GLI2: variants seen among roughly 807,000 people sequenced by gnomAD.
The protein encoded by GLI2 is GLI family zinc finger 2.
In GLI2, 22 loss-of-function variants were observed where a neutral mutation model predicts 78.9. The ratio of observed to expected loss-of-function variants is 0.28; its 90% CI spans 0.20 to 0.40. GLI2 has a LOEUF of 0.40. Ranked by LOEUF, GLI2 falls within the 10% of genes least tolerant of loss-of-function variation. The pLI is 1.00. For synonymous variants in GLI2, 974 were observed against 963.7 expected (o/e 1.01, Z -0.20); for missense variants, 2,097 against 2,213.2 (o/e 0.95, Z 1.05).
intron 3 of GLI2, among the ~76,000 whole-genome samples, chr2:120,932,249 T>A (rs1679977997): frequency 6.6e-6 from 1 of 152,106 alleles, no homozygotes; most frequent in Non-Finnish European, 1.5e-5. Flanking sequence ...GTCATCTCAT[T>A]TCTGTGTCAG....
intron 3 of GLI2, among the ~76,000 whole-genome samples, chr2:120,941,939 T>C (rs953676566): frequency 6.6e-6 from 1 of 152,124 alleles, no homozygotes; most frequent in Non-Finnish European, 1.5e-5. Flanking sequence ...CCTGTGCACA[T>C]GGGGATGGGA....
chr2:120,764,454 T>G (rs988098283), intron 1 of GLI2, among the ~76,000 whole-genome samples: 3 of 152,200 alleles, frequency 2.0e-5, no homozygotes, highest in Non-Finnish European at 4.4e-5. Flanking sequence ...GAGAACGGAT[T>G]ACTTCCAGGT....
At chr2:120,796,531 C>G (rs1022965756) in intron 1 of GLI2, among the ~76,000 whole-genome samples, 3 of 152,230 alleles carry the variant, frequency 2.0e-5, no homozygotes, top group African/African-American at 7.2e-5. Context: ...GCTTTGCCCT[C>G]TGACTGCAGT....
At chr2:120,818,645 T>C (rs1378350061) in intron 2 of GLI2, among the ~76,000 whole-genome samples, 1 of 152,138 alleles carries the variant, frequency 6.6e-6, no homozygotes, top group Non-Finnish European at 1.5e-5. Context: ...TCCGAGTGAG[T>C]CTGGGCCCCA....
At chr2:120,840,720 T>C (rs1254783386) in intron 2 of GLI2, among the ~76,000 whole-genome samples, 1 of 152,198 alleles carries the variant, frequency 6.6e-6, no homozygotes, top group African/African-American at 2.4e-5. Flanking sequence ...AAGCCAAGCA[T>C]CTTGGTGTGT....
At chr2:120,783,619 G>A (rs192076843) in intron 1 of GLI2, among the ~76,000 whole-genome samples, 12 of 151,976 alleles carry the variant, frequency 7.9e-5, no homozygotes, top group African/African-American at 2.9e-4. Context: ...AAGAAACCAC[G>A]AAGTGCAGGA....
chr2:120,974,810 G>T, intron 8 of GLI2, 165 bp from the exon 9 acceptor site: 1 of 870,748 alleles, frequency 1.1e-6, no homozygotes, highest in Non-Finnish European at 1.9e-6. Flanking sequence ...GTGTCTGCAT[G>T]CATGTGTTGT....
intron 1 of GLI2, among the ~76,000 whole-genome samples, chr2:120,782,080 C>T (rs557718753): frequency 2.0e-5 from 3 of 152,274 alleles, no homozygotes; most frequent in South Asian, 4.2e-4. Context: ...TAAGTCTTTA[C>T]AATAATAACC....
intron 1 of GLI2, among the ~76,000 whole-genome samples, chr2:120,762,704 C>T (rs1314377864): frequency 2.0e-5 from 3 of 152,174 alleles, no homozygotes; most frequent in Admixed American, 1.3e-4. Flanking sequence ...AGCCCCCAGG[C>T]CCTGGCCCCT....
chr2:120,811,542 G>T (rs1045107217), intron 2 of GLI2, among the ~76,000 whole-genome samples: 1 of 152,174 alleles, frequency 6.6e-6, no homozygotes, highest in Non-Finnish European at 1.5e-5. Flanking sequence ...CTCAACGAGG[G>T]GTGGATGACA....
chr2:120,911,709 CG>C (rs1475361773), intron 2 of GLI2, among the ~76,000 whole-genome samples: 1 of 151,964 alleles, frequency 6.6e-6, no homozygotes, highest in Non-Finnish European at 1.5e-5. Context: ...GAGGGAGTAT[CG>C]TCTGCCTGCG....
At chr2:120,851,538 G>A (rs1438637857) in intron 2 of GLI2, among the ~76,000 whole-genome samples, 1 of 152,242 alleles carries the variant, frequency 6.6e-6, no homozygotes, top group Non-Finnish European at 1.5e-5. Context: ...ATTAGATCCT[G>A]GGATGACTGC....
intron 2 of GLI2, among the ~76,000 whole-genome samples, chr2:120,814,285 A>G (rs1302915603): frequency 2.0e-5 from 3 of 152,204 alleles, no homozygotes; most frequent in Admixed American, 6.5e-5. Flanking sequence ...GATCTGCCCT[A>G]CAGAGATGGG....
chr2:120,960,761 C>T (rs1681513363), intron 5 of GLI2, among the ~76,000 whole-genome samples: 1 of 152,306 alleles, frequency 6.6e-6, no homozygotes, highest in South Asian at 2.1e-4. Flanking sequence ...GATTGGAAAG[C>T]CAAGCCCTGC....
intron 2 of GLI2, among the ~76,000 whole-genome samples, chr2:120,812,727 C>T (rs1234656805): frequency 6.6e-6 from 1 of 152,188 alleles, no homozygotes; most frequent in Non-Finnish European, 1.5e-5. Flanking sequence ...TGTTGCCGTC[C>T]TTGGCATGCG....
chr2:120,988,121 C>A, intron 13 of GLI2, 87 bp from the exon 14 acceptor site: 1 of 1,191,130 alleles, frequency 8.4e-7, no homozygotes, highest in Non-Finnish European at 1.2e-6. Context: ...TCTTCTCGGG[C>A]TCCAGGCCCA....
intron 2 of GLI2, among the ~76,000 whole-genome samples, chr2:120,900,960 C>T (rs1329921275): frequency 6.6e-6 from 1 of 152,172 alleles, no homozygotes; most frequent in Non-Finnish European, 1.5e-5. Flanking sequence ...GAACAGAGCC[C>T]TCTTGGCTGG....
In GLI2 at chr2:120,798,633, T is replaced by G. The variant is rs564121457; in HGVS notation, c.148+1165T>G. ...CAGGCCCCTTGGGGAGGTGGCCTTC[T>G]GAGCTGGACGATGCCTCTCCACCCT... On this transcript the variant is annotated intron_variant, in intron 2 of 13. Transcript: ENST00000361492. Among the ~76,000 whole-genome samples the G allele has an allele frequency of 2.0e-5, 3 of 152,338 alleles. No individual in the cohort carries two copies. In the South Asian group the frequency reaches 6.2e-4, roughly 32 times the overall value.
In GLI2 at chr2:120,919,730, A is replaced by G. The variant is rs565568049; in HGVS notation, c.149-7631A>G. Reference sequence around the variant, plus strand: ...ATCACCGGGCTTCCCCATCCTGGCCACAGCCAAGGGGCTGAGGGCCCTGGT... The same window carrying G: ...ATCACCGGGCTTCCCCATCCTGGCCGCAGCCAAGGGGCTGAGGGCCCTGGT... On this transcript the variant is annotated intron_variant, in intron 2 of 13. Transcript: ENST00000361492. Among the ~76,000 whole-genome samples the G allele has an allele frequency of 1.3e-4, 20 of 152,364 alleles. No individual in the cohort carries two copies. In the South Asian group the frequency reaches 3.7e-3, roughly 28 times the overall value.
Sources: allele counts gnomAD v4.1 joint callset (sites outside exome capture counted in the v4.1 genomes callset), GRCh38; gene constraint gnomAD v4.1.1; transcripts MANE v1.5; gene names NCBI Gene and HGNC (gene_info 2026-07-23, HGNC 2026-07-21).